Variants in REX1BD observed in about 807,000 individuals in gnomAD.
REX1BD encodes the protein required for excision 1-B domain containing, also known as required for excision 1-B domain-containing protein.
Under a neutral mutation model 24.4 loss-of-function variants are expected in REX1BD, and 22 were observed. The ratio of observed to expected loss-of-function variants is 0.90; its 90% CI spans 0.64 to 1.29. REX1BD has a LOEUF of 1.29. REX1BD is among the 50% of genes most tolerant of loss of function. The pLI is 0.00. For synonymous variants in REX1BD, 146 were observed against 125.9 expected (o/e 1.16, Z -1.07); for missense variants, 293 against 285.3 (o/e 1.03, Z -0.19).
chr19:18,590,901 G>A lies in REX1BD; in HGVS notation c.501G>A (p.Glu167=), dbSNP rs1051712572. Residue 167 remains glutamate (E), a synonymous_variant, in exon 4 of 5, where the codon GAG becomes GAA. Coordinates refer to ENST00000358607, the MANE Select transcript of REX1BD (RefSeq NM_001100418.2). Reference sequence around the variant, plus strand: ...AGACGCCAGAGCTGGCGGGGCAGGAGGACGCTGTACGGATGCAGCAGCTGA... The same window carrying A: ...AGACGCCAGAGCTGGCGGGGCAGGAAGACGCTGTACGGATGCAGCAGCTGA... ...LMETPELAGQ[E]DAVRMQQLKM... 1.9e-6 allele frequency: 3 copies of A among 1,602,472 alleles called. No homozygotes were observed. Among genetic ancestry groups the A allele is most frequent in the African/African-American group, 2.7e-5 (2 of 74,650 alleles).
At chr19:18,590,730 C>T (rs1266273167) in intron 3 of REX1BD, 124 bp from the exon 4 acceptor site, 5 of 811,764 alleles carry the variant, frequency 6.2e-6, no homozygotes, top group Admixed American at 2.5e-5. Context: ...AAAGCACTGC[C>T]CCTCGTGGTT....
In REX1BD at chr19:18,592,164, C is replaced by T. The variant is rs573574113; in HGVS notation, c.590C>T (p.Ala197Val). ...GTTCTCCAGGACCTTAGGTTTGATG[C>T]GGAATCTGCCGAGTGATGGCGGCTC... ...SEVLQDLRFD[A>V]ESAE The change falls in exon 5 of 5, where the codon GCG becomes GTG. Residue 197 changes from alanine to valine, a missense_variant. Physicochemically the swap from Ala to Val is moderately conservative, Grantham distance 64. Transcript: ENST00000358607. 45 of 1,614,074 alleles carry T rather than the reference C, an allele frequency of 2.8e-5. No homozygotes were observed. In the East Asian group the frequency reaches 3.1e-4, roughly 11 times the overall value.
Position 18,592,334 on chromosome 19 carries a change from T to C in REX1BD, c.*154T>C, listed in dbSNP as rs1976061862. 1.2e-6 allele frequency: 1 copy of C among 805,734 alleles called. No homozygotes were observed. 49.9% of individuals were successfully genotyped at this position (805,734 alleles called of 1,614,324 possible). On this transcript the variant is annotated 3_prime_UTR_variant, in exon 5 of 5. Transcript: ENST00000358607. ...CTCCCACAATAAAGAGCTCCTCCTC[T>C]GTAGCCGCTCTGCCATCTCTGTGTA...
chr19:18,592,163 G>T lies in REX1BD; in HGVS notation c.589G>T (p.Ala197Ser). The T allele has an allele frequency of 6.2e-7, 1 of 1,614,098 alleles. No individual in the cohort carries two copies. Among genetic ancestry groups the T allele is most frequent in the Non-Finnish European group, 8.5e-7 (1 of 1,180,012 alleles). Reference sequence around the variant, plus strand: ...GGTTCTCCAGGACCTTAGGTTTGATGCGGAATCTGCCGAGTGATGGCGGCT... The same window carrying T: ...GGTTCTCCAGGACCTTAGGTTTGATTCGGAATCTGCCGAGTGATGGCGGCT... ...SEVLQDLRFDAESAE is the reference protein window; with the variant it reads ...SEVLQDLRFDSESAE Residue 197 changes from alanine to serine, a missense_variant, in exon 5 of 5, where the codon GCG becomes TCG. Ala to Ser is a moderately conservative substitution (Grantham distance 99). Transcript: ENST00000358607.
intron 4 of REX1BD, 167 bp downstream of exon 4, chr19:18,591,100 C>A: frequency 1.6e-6 from 1 of 606,836 alleles, no homozygotes; most frequent in Non-Finnish European, 2.8e-6. Flanking sequence ...AACTTCACAT[C>A]AGTTTCGCTG....
rs993228269 is a variant in REX1BD at position 18,589,393 on chromosome 19, A to G, written c.183-20A>G. The G allele has an allele frequency of 1.0e-4, 156 of 1,555,706 alleles. No individual in the cohort carries two copies. The highest frequency in any genetic ancestry group is 1.3e-4 in the Non-Finnish European group (153 of 1,150,106). ...GTCCTCCCCTCTGGTGTCTGGGGACACTTCCTGGGGGCCTTTCAGGTGGTT... is the reference window on the plus strand; with the variant it reads ...GTCCTCCCCTCTGGTGTCTGGGGACGCTTCCTGGGGGCCTTTCAGGTGGTT... On this transcript the variant is annotated intron_variant, in intron 2 of 4. Transcript: ENST00000358607.
At chr19:18,591,096 A>C (rs777858625) in intron 4 of REX1BD, 163 bp downstream of exon 4, 7 of 616,146 alleles carry the variant, frequency 1.1e-5, no homozygotes, top group Non-Finnish European at 1.9e-5. Flanking sequence ...GTGAAACTTC[A>C]CATCAGTTTC....
At chr19:18,592,019 C>T (rs1976052481) in intron 4 of REX1BD, 89 bp from the exon 5 acceptor site, 1 of 1,490,162 alleles carries the variant, frequency 6.7e-7, no homozygotes. Context: ...GCCTGGGGCT[C>T]ACCACAGCCA....
At chr19:18,591,930 G>A (rs946976969) in intron 4 of REX1BD, 178 bp from the exon 5 acceptor site, 11 of 663,080 alleles carry the variant, frequency 1.7e-5, no homozygotes, top group Non-Finnish European at 2.9e-5. Flanking sequence ...GTGACCTATG[G>A]GGCCACCCCT....
intron 3 of REX1BD, 147 bp from the exon 4 acceptor site, chr19:18,590,688 CCTCTAAACTGAATTTCGGA>C (rs1976022772): frequency 3.3e-6 from 2 of 611,498 alleles, no homozygotes; most frequent in Non-Finnish European, 5.7e-6. Context: ...TCTGAGAGAG[CCTCTAAACTGAATTTCGGA>C]CTCTTCCTAC....
chr19:18,589,778 T>C, intron 3 of REX1BD, 95 bp downstream of exon 3: 1 of 1,399,644 alleles, frequency 7.1e-7, no homozygotes, highest in Non-Finnish European at 9.3e-7. Context: ...CAGTATCCCA[T>C]ACACAGACCT....
Position 18,590,886 on chromosome 19 carries a change from G to A in REX1BD, c.486G>A (p.Glu162=). Residue 162 remains glutamate (E), a synonymous_variant, in exon 4 of 5, where the codon GAG becomes GAA. Coordinates refer to ENST00000358607, the MANE Select transcript of REX1BD (RefSeq NM_001100418.2). ...VALLQLMETP[E]LAGQEDAVRM... ...TGCTGCAGTTGATGGAGACGCCAGA[G>A]CTGGCGGGGCAGGAGGACGCTGTAC... The A allele has an allele frequency of 1.2e-6, 2 of 1,605,712 alleles. No homozygotes were observed. The highest frequency in any genetic ancestry group is 1.7e-6 in the Non-Finnish European group (2 of 1,176,630).
At chr19:18,589,220 G>A in intron 2 of REX1BD, 143 bp downstream of exon 2, 2 of 1,516,800 alleles carry the variant, frequency 1.3e-6, no homozygotes, top group Non-Finnish European at 8.8e-7. Context: ...CGGGGCACCG[G>A]GTCCTCACCT....
At position 18,588,817 on chromosome 19, in the gene REX1BD, G is replaced by C. The variant is rs986244216; in HGVS notation, c.16G>C (p.Ala6Pro). The change falls in exon 1 of 5, where the codon GCG becomes CCG. Residue 6 changes from alanine (A) to proline (P), a missense_variant. Ala to Pro is a conservative substitution (Grantham distance 27, BLOSUM62 -1). Coordinates refer to ENST00000358607, the MANE Select transcript of REX1BD (RefSeq NM_001100418.2). ...CTGCGCAGTCATGATCACCGAGACC[G>C]CGGCGGAGCCTACGGTCCCTGCAGT... MITET[A>P]AEPTVPAVPA... The C allele has an allele frequency of 3.3e-6, 5 of 1,532,542 alleles. No individual in the cohort carries two copies. In the Admixed American group the frequency reaches 5.9e-5, roughly 18 times the overall value. The allele number at this position is 1,532,542 out of a possible 1,614,324, so 94.9% of individuals were successfully genotyped here.
In REX1BD at chr19:18,592,270, GC is replaced by G; in HGVS notation, c.*94del. On this transcript the variant is annotated 3_prime_UTR_variant, in exon 5 of 5. Coordinates refer to ENST00000358607, the MANE Select transcript of REX1BD (RefSeq NM_001100418.2). ...CTAACTGCCAGCTGGCTGGGGTTGC[GC>G]CCCACTGCGCTGCTGACCTTCCTGC... 1.4e-6 allele frequency: 2 copies of G among 1,392,926 alleles called. No homozygotes were observed. Among genetic ancestry groups the G allele is most frequent in the Non-Finnish European group, 2.0e-6 (2 of 986,774 alleles). 86.3% of individuals were successfully genotyped at this position (1,392,926 alleles called of 1,614,324 possible).
chr19:18,589,006 G>A lies in REX1BD; in HGVS notation c.111G>A (p.Pro37=), dbSNP rs1400572340. ...EEPAWPWKDA[P]IRTLVQRIHQ... ...CCCCTGTCCCGCAGAAAGACGCCCC[G>A]ATCCGGACGCTGGTGCAGCGCATCC... The change falls in exon 2 of 5, where the codon CCG becomes CCA. Residue 37 remains proline (P), a synonymous_variant. Coordinates refer to ENST00000358607, the MANE Select transcript of REX1BD (RefSeq NM_001100418.2). The A allele has an allele frequency of 3.3e-6, 5 of 1,527,742 alleles. No homozygotes were observed. In the East Asian group the frequency reaches 1.2e-4, roughly 38 times the overall value. 94.6% of individuals were successfully genotyped at this position (1,527,742 alleles called of 1,614,324 possible).
chr19:18,589,221 G>C, intron 2 of REX1BD, 144 bp downstream of exon 2: 2 of 1,519,536 alleles, frequency 1.3e-6, no homozygotes, highest in Non-Finnish European at 1.8e-6. Context: ...GGGGCACCGG[G>C]TCCTCACCTT....
At chr19:18,588,967 T>G in intron 1 of REX1BD, 28 bp from the exon 2 acceptor site, 1 of 1,523,794 alleles carries the variant, frequency 6.6e-7, no homozygotes. Context: ...GCGGGCTTCA[T>G]GCCCCAGCCG....
intron 2 of REX1BD, 139 bp downstream of exon 2, chr19:18,589,216 A>C: frequency 6.6e-7 from 1 of 1,510,178 alleles, no homozygotes; most frequent in South Asian, 1.2e-5. Context: ...ATTTCGGGGC[A>C]CCGGGTCCTC....
Sources: gnomAD v4.1 joint callset for allele counts on GRCh38, gnomAD v4.1.1 for gene constraint, MANE v1.5 for transcripts, NCBI Gene and HGNC (gene_info 2026-07-23, HGNC 2026-07-21) for gene names.